Variants in CPA6 observed in about 807,000 individuals in gnomAD.
CPA6 encodes the protein carboxypeptidase B.
In CPA6, 58 loss-of-function variants were observed where a neutral mutation model predicts 63.3. That is an observed-to-expected ratio of 0.92 (90% CI 0.74 to 1.14). The LOEUF (loss-of-function observed/expected upper bound fraction) is 1.14, where lower values mean the gene tolerates loss of function less well. CPA6 is among the 50% of genes most tolerant of loss of function. CPA6 has a pLI of 0.00. For synonymous variants in CPA6, 185 were observed against 179.0 expected (o/e 1.03, Z -0.27); for missense variants, 565 against 526.6 (o/e 1.07, Z -0.71).
At chr8:67,723,648 G>GA (rs1424174571) in intron 1 of CPA6, among the ~76,000 whole-genome samples, 4 of 152,160 alleles carry the variant, frequency 2.6e-5, no homozygotes, top group Non-Finnish European at 5.9e-5. Flanking sequence ...CCTTGTGAGT[G>GA]AAATGTGCCT....
rs374238493 is a variant in CPA6, at chr8:67,634,441, A to G, written c.117-10190T>C. Among the ~76,000 whole-genome samples the G allele has an allele frequency of 2.2e-3, 340 of 151,382 alleles. 11 individuals are homozygous for G. Among genetic ancestry groups the G allele is most frequent in the African/African-American group, 8.0e-3 (328 of 40,794 alleles). ...CACCGTGTTAGCCAGGATGGTCTCC[A>G]TCTCCTGACCTTGTGATCAGCCCGC... is the stretch of plus-strand genomic sequence containing the variant. On this transcript the variant is annotated intron_variant, in intron 1 of 10. Coordinates refer to ENST00000297770, the MANE Select transcript of CPA6 (RefSeq NM_020361.5).
chr8:67,635,002 TCAGCCTCC>T (rs1229478432), intron 1 of CPA6, among the ~76,000 whole-genome samples: 2 of 151,394 alleles, frequency 1.3e-5, no homozygotes, highest in Non-Finnish European at 2.9e-5. Context: ...TCCTCCTGTC[TCAGCCTCC>T]CAGGTAGCTA....
intron 2 of CPA6, among the ~76,000 whole-genome samples, chr8:67,565,443 CA>C (rs1226369762): frequency 6.6e-6 from 1 of 152,108 alleles, no homozygotes; most frequent in African/African-American, 2.4e-5. Flanking sequence ...TTCTTTTAGT[CA>C]GACCTCTGTT....
At chr8:67,664,240 G>C (rs928328711) in intron 1 of CPA6, among the ~76,000 whole-genome samples, 2 of 149,108 alleles carry the variant, frequency 1.3e-5, no homozygotes, top group Non-Finnish European at 3.0e-5. Flanking sequence ...TTGATTCGAT[G>C]GTTCAGGGTC....
At chr8:67,493,595 C>T (rs1811650084) in intron 6 of CPA6, among the ~76,000 whole-genome samples, 1 of 152,124 alleles carries the variant, frequency 6.6e-6, no homozygotes, top group Admixed American at 6.5e-5. Context: ...GAATCACATG[C>T]CAGATGTTGG....
intron 8 of CPA6, among the ~76,000 whole-genome samples, chr8:67,475,858 TCTTTCTTTCTTTCTTTCTTTCTC>T (rs1811194724): frequency 3.0e-5 from 3 of 100,860 alleles, no homozygotes. Context: ...TTTCTTTCTT[TCTTTCTTTCTTTCTTTCTTTCTC>T]CTTTCTTTCT....
chr8:67,552,972 G>A (rs557220824), intron 2 of CPA6, among the ~76,000 whole-genome samples: 1 of 152,012 alleles, frequency 6.6e-6, no homozygotes, highest in East Asian at 1.9e-4. Context: ...AATTTATGAA[G>A]CTGTGAAATT....
At chr8:67,547,875 T>C (rs1054288878) in intron 2 of CPA6, among the ~76,000 whole-genome samples, 10 of 152,190 alleles carry the variant, frequency 6.6e-5, no homozygotes, top group Non-Finnish European at 1.3e-4. Flanking sequence ...CTGGTGATCA[T>C]ATGTTACTTT....
At chr8:67,629,550 A>G (rs1815272380) in intron 1 of CPA6, among the ~76,000 whole-genome samples, 1 of 152,050 alleles carries the variant, frequency 6.6e-6, no homozygotes, top group Non-Finnish European at 1.5e-5. Flanking sequence ...TGAACTATAT[A>G]TACATTTAAG....
At chr8:67,500,347 A>G (rs1420461544) in intron 6 of CPA6, among the ~76,000 whole-genome samples, 6 of 151,884 alleles carry the variant, frequency 4.0e-5, no homozygotes, top group African/African-American at 7.3e-5. Context: ...CTTTGGTTCA[A>G]TGTCTCTTCA....
chr8:67,495,044 C>T (rs548198222), intron 6 of CPA6, among the ~76,000 whole-genome samples: 1 of 152,176 alleles, frequency 6.6e-6, no homozygotes, highest in Non-Finnish European at 1.5e-5. Context: ...TATCCAGTAT[C>T]CACGGTGTCT....
At chr8:67,707,929 A>AAG (rs56151929) in intron 1 of CPA6, among the ~76,000 whole-genome samples, 2 of 151,734 alleles carry the variant, frequency 1.3e-5, no homozygotes, top group African/African-American at 4.8e-5. Context: ...AAAAAAAAAA[A>AAG]TCAAATTTGA....
intron 1 of CPA6, among the ~76,000 whole-genome samples, chr8:67,684,055 ATT>A: frequency 7.8e-6 from 1 of 127,618 alleles, no homozygotes; most frequent in Non-Finnish European, 1.7e-5. Flanking sequence ...TTATTTATTT[ATT>A]TTTTTTTTTT....
intron 2 of CPA6, among the ~76,000 whole-genome samples, chr8:67,615,116 G>A (rs987999110): frequency 6.6e-6 from 1 of 152,204 alleles, no homozygotes; most frequent in Non-Finnish European, 1.5e-5. Flanking sequence ...AGGGTTGTGG[G>A]GTCCAGGTTC....
intron 1 of CPA6, among the ~76,000 whole-genome samples, chr8:67,705,186 G>A (rs576889440): frequency 4.6e-5 from 7 of 152,258 alleles, no homozygotes; most frequent in African/African-American, 1.7e-4. Flanking sequence ...CGCACAGCTT[G>A]CCACCTCTGC....
chr8:67,648,191 T>C lies in CPA6; in HGVS notation c.117-23940A>G, dbSNP rs556367530. On this transcript the variant is annotated intron_variant, in intron 1 of 10. Transcript: ENST00000297770. ...TCATTTCAGTTTTATACTCTGCCTATGTACCGCAGAGACTGTTTAGAGAAT... is the reference window on the plus strand; with the variant it reads ...TCATTTCAGTTTTATACTCTGCCTACGTACCGCAGAGACTGTTTAGAGAAT... Among the ~76,000 whole-genome samples, 111 of 151,618 alleles carry C rather than the reference T, an allele frequency of 7.3e-4. 1 individual carries two copies. Among genetic ancestry groups the C allele is most frequent in the African/African-American group, 2.6e-3 (109 of 41,368 alleles).
chr8:67,698,933 A>G (rs549246568), intron 1 of CPA6, among the ~76,000 whole-genome samples: 267 of 152,346 alleles, frequency 1.8e-3, no homozygotes, highest in African/African-American at 6.2e-3. Context: ...AGAGGAAACT[A>G]TACACTGGAA....
rs553113041 is a variant in CPA6 at position 67,490,205 on chromosome 8, C to T, written c.637-5416G>A. Among the ~76,000 whole-genome samples, 8 of 152,176 alleles carry T rather than the reference C, an allele frequency of 5.3e-5. No homozygotes were observed. In the East Asian group the frequency reaches 1.5e-3, roughly 29 times the overall value. ...TTTAGGTAGGGGTTTCTAAAAGAAA[C>T]GTAACCATGTGTCTTTCTATTTCCT... On this transcript the variant is annotated intron_variant, in intron 6 of 10. Transcript: ENST00000297770.
At chr8:67,588,666 A>G (rs192571065) in intron 2 of CPA6, among the ~76,000 whole-genome samples, 220 of 152,332 alleles carry the variant, frequency 1.4e-3, no homozygotes, top group South Asian at 3.9e-3. Flanking sequence ...GAAATGCTCA[A>G]TGAAAGGGCA....
Sources: allele counts gnomAD v4.1 joint callset (sites outside exome capture counted in the v4.1 genomes callset), GRCh38; gene constraint gnomAD v4.1.1; transcripts MANE v1.5; gene names NCBI Gene and HGNC (gene_info 2026-07-23, HGNC 2026-07-21).